The following RXFP2 variants were observed in gnomAD, a reference collection of about 807,000 sequenced individuals.
The protein encoded by RXFP2 is relaxin receptor 2.
In RXFP2, 68 loss-of-function variants were observed where a neutral mutation model predicts 88.6. That is an observed-to-expected ratio of 0.77 (90% CI 0.63 to 0.94). The LOEUF is 0.94. Ranked by LOEUF, RXFP2 falls within the 40% of genes least tolerant of loss-of-function variation. The pLI, the probability that RXFP2 is intolerant of heterozygous loss-of-function variation, is 0.00. For missense variants in RXFP2, 791 were observed against 893.9 expected (o/e 0.88, Z 1.47); for synonymous variants, 329 against 306.8 (o/e 1.07, Z -0.76).
intron 5 of RXFP2, among the ~76,000 whole-genome samples, chr13:31,766,440 T>C (rs1872553333): frequency 1.3e-5 from 2 of 152,104 alleles, no homozygotes; most frequent in African/African-American, 4.8e-5. Context: ...CCCAGGGTGT[T>C]AGGAGTGAAA....
intron 2 of RXFP2, among the ~76,000 whole-genome samples, chr13:31,759,775 T>G (rs1032970728): frequency 5.9e-5 from 9 of 152,080 alleles, no homozygotes; most frequent in Admixed American, 2.6e-4. Context: ...TGCCCAACCA[T>G]CCATCAAAGT....
intron 1 of RXFP2, among the ~76,000 whole-genome samples, chr13:31,741,258 C>T (rs1246302300): frequency 1.3e-5 from 2 of 151,950 alleles, no homozygotes; most frequent in Non-Finnish European, 2.9e-5. Flanking sequence ...CTAGTACCAA[C>T]CTAACAAATA....
rs776733041 is a variant in RXFP2 at position 31,793,852 on chromosome 13, C to T, written c.1786+764C>T. On this transcript the variant is annotated intron_variant, in intron 16 of 17. Transcript: ENST00000298386. ...GTCCTTTCTTTTTCTTCAAAATTTG[C>T]TTCTGCTTCTGCTCCTTCCAGTCTC... 3.3e-5 allele frequency among the ~76,000 whole-genome samples: 5 copies of T among 152,136 alleles called. No individual in the cohort carries two copies. The East Asian group carries it at 9.6e-4, about 29-fold the overall frequency.
chr13:31,770,096 T>G (rs959930465), intron 5 of RXFP2, among the ~76,000 whole-genome samples: 1 of 152,240 alleles, frequency 6.6e-6, no homozygotes, highest in African/African-American at 2.4e-5. Context: ...TAACAATGTT[T>G]ATCACATAGT....
intron 2 of RXFP2, among the ~76,000 whole-genome samples, chr13:31,759,439 A>AAGAAAGAAAGAG (rs1872189670): frequency 6.7e-6 from 1 of 149,444 alleles, no homozygotes; most frequent in Non-Finnish European, 1.5e-5. Context: ...GAAAGAAAGA[A>AAGAAAGAAAGAG]AGAAAGATAC....
chr13:31,757,714 A>G (rs960520507), intron 1 of RXFP2, among the ~76,000 whole-genome samples: 6 of 152,212 alleles, frequency 3.9e-5, no homozygotes, highest in African/African-American at 1.4e-4. Context: ...GGTTTTGTTT[A>G]TGATTACCTT....
At chr13:31,786,911 A>G (rs1257681260) in intron 13 of RXFP2, among the ~76,000 whole-genome samples, 1 of 152,248 alleles carries the variant, frequency 6.6e-6, no homozygotes, top group East Asian at 1.9e-4. Flanking sequence ...CAGTTTTCAC[A>G]AAGAATTAAA....
rs1438202155 is a variant in RXFP2, at chr13:31,758,197, G to C, written c.95-61G>C. The stretch of plus-strand genomic sequence containing the variant: ...ATATAGCTCTTGTGAAAATTAAATG[G>C]GACAACACGGAGAGAGCTTGGCCAT... On this transcript the variant is annotated intron_variant, in intron 1 of 17. Transcript: ENST00000298386. 3 of 1,580,388 alleles carry C rather than the reference G, an allele frequency of 1.9e-6. No individual in the cohort carries two copies. In the African/African-American group the frequency reaches 4.0e-5, roughly 21 times the overall value.
chr13:31,792,415 C>T (rs995830260), intron 15 of RXFP2, among the ~76,000 whole-genome samples: 1 of 152,196 alleles, frequency 6.6e-6, no homozygotes, highest in Non-Finnish European at 1.5e-5. Context: ...TGTTTAACAA[C>T]TAGTCCTTCC....
intron 2 of RXFP2, among the ~76,000 whole-genome samples, chr13:31,758,769 G>A (rs1379188131): frequency 2.0e-5 from 3 of 152,094 alleles, no homozygotes; most frequent in Non-Finnish European, 2.9e-5. Context: ...TGGGAGTGGC[G>A]GCTCATGCCT....
At chr13:31,779,225 A>G (rs1467709756) in intron 9 of RXFP2, among the ~76,000 whole-genome samples, 2 of 150,412 alleles carry the variant, frequency 1.3e-5, no homozygotes, top group Non-Finnish European at 2.9e-5. Flanking sequence ...TCCTGGGTTC[A>G]AGTGATTCTC....
intron 7 of RXFP2, 60 bp downstream of exon 7, chr13:31,775,449 G>C (rs1872904812): frequency 8.4e-7 from 1 of 1,194,658 alleles, no homozygotes; most frequent in Non-Finnish European, 1.3e-6. Context: ...ATATATAACA[G>C]TGCTAATGTA....
At chr13:31,778,712 C>T in intron 9 of RXFP2, 129 bp downstream of exon 9, 3 of 788,106 alleles carry the variant, frequency 3.8e-6, no homozygotes, top group East Asian at 2.5e-5. Context: ...ATCATATTAC[C>T]TTCCCAGTTT....
rs1872949328 is a variant in RXFP2, at chr13:31,776,107, TTTCTTTC to T, written c.641+721_641+727del. Reference sequence around the variant, plus strand: ...TTCCTTCTTTCTTTCTTTTCTTTTCTTTCTTTCTTTCTTTCTTTCTTTCTTTCTTTCT... The same window carrying T: ...TTCCTTCTTTCTTTCTTTTCTTTTCTTTTCTTTCTTTCTTTCTTTCTTTCT... On this transcript the variant is annotated intron_variant, in intron 7 of 17. Coordinates refer to ENST00000298386, the MANE Select transcript of RXFP2 (RefSeq NM_130806.5). Among the ~76,000 whole-genome samples the T allele has an allele frequency of 1.9e-3, 260 of 135,492 alleles. 1 individual carries two copies. Among genetic ancestry groups the T allele is most frequent in the South Asian group, 2.3e-3 (10 of 4,290 alleles). 88.9% of individuals were successfully genotyped at this position (135,492 alleles called of 152,430 possible). A position where few individuals can be genotyped will look rare whatever the true frequency, so the allele number is the denominator to read the frequency against.
chr13:31,782,953 C>A (rs1873356294), intron 11 of RXFP2, among the ~76,000 whole-genome samples: 2 of 152,130 alleles, frequency 1.3e-5, no homozygotes, highest in Admixed American at 6.5e-5. Context: ...TTAACCTACC[C>A]TAGTTTCTCT....
intron 13 of RXFP2, among the ~76,000 whole-genome samples, chr13:31,788,339 A>T (rs1873646747): frequency 6.6e-6 from 1 of 152,166 alleles, no homozygotes; most frequent in South Asian, 2.1e-4. Flanking sequence ...ACCAAGTGAG[A>T]ATCAGACATA....
intron 2 of RXFP2, 49 bp downstream of exon 2, chr13:31,758,453 C>G: frequency 6.2e-7 from 1 of 1,602,334 alleles, no homozygotes; most frequent in Middle Eastern, 1.7e-4. Context: ...TATGAACACC[C>G]CAAAACTGTG....
intron 1 of RXFP2, among the ~76,000 whole-genome samples, chr13:31,743,399 C>T (rs1053960481): frequency 1.3e-5 from 2 of 151,734 alleles, no homozygotes; most frequent in East Asian, 3.9e-4. Flanking sequence ...ACCTGAGAGG[C>T]GGAGGTTGCA....
chr13:31,766,060 A>AG (rs2138417487), intron 5 of RXFP2, 33 bp downstream of exon 5: 1 of 1,095,304 alleles, frequency 9.1e-7, no homozygotes, highest in Admixed American at 1.7e-5. Flanking sequence ...TTTATTTAAA[A>AG]AAAATCCTCG....
Sources: gnomAD v4.1 joint callset for allele counts (sites outside exome capture counted in the v4.1 genomes callset) on GRCh38, gnomAD v4.1.1 for gene constraint, MANE v1.5 for transcripts, NCBI Gene and HGNC (gene_info 2026-07-23, HGNC 2026-07-21) for gene names.